The following CFAP44 variants were observed in gnomAD, a reference collection of about 807,000 sequenced individuals.
CFAP44 encodes cilia- and flagella-associated protein 44.
In CFAP44, 134 loss-of-function variants were observed where a neutral mutation model predicts 216.2. The observed-to-expected ratio is 0.62, with a 90% CI of 0.54 to 0.72. The LOEUF (loss-of-function observed/expected upper bound fraction) is 0.72, where lower values mean the gene tolerates loss of function less well. CFAP44 is among the 30% of genes least tolerant of loss of function. The pLI is 0.00. For missense variants in CFAP44, 2,035 were observed against 2,182.1 expected (o/e 0.93, Z 1.34); for synonymous variants, 700 against 727.6 (o/e 0.96, Z 0.61).
chr3:113,360,431 A>G, intron 21 of CFAP44: 1 of 233,644 alleles, frequency 4.3e-6, no homozygotes. Context: ...TCATGGGACA[A>G]CTTCACTGCA....
rs1482379563 is a variant in CFAP44 at position 113,408,073 on chromosome 3, G to A, written c.891-1032C>T. On this transcript the variant is annotated intron_variant, in intron 7 of 34. Coordinates refer to ENST00000393845, the MANE Select transcript of CFAP44 (RefSeq NM_001164496.2). ...CCCCAAAGATTACAATTAAAAATCT[G>A]CTCAATTAGTCTATATTTCTAATAA... Among the ~76,000 whole-genome samples, 4 of 152,162 alleles carry A rather than the reference G, an allele frequency of 2.6e-5. No homozygotes were observed. In the South Asian group the frequency reaches 8.3e-4, roughly 32 times the overall value.
At chr3:113,400,722 A>T in intron 11 of CFAP44, 78 bp from the exon 12 acceptor site, 1 of 1,279,898 alleles carries the variant, frequency 7.8e-7, no homozygotes, top group East Asian at 2.5e-5. Context: ...AAAAATGCAA[A>T]GATAAAAATA....
At position 113,330,326 on chromosome 3, in the gene CFAP44, G is replaced by C. The variant is rs1267895881; in HGVS notation, c.3958C>G (p.Arg1320Gly). The change falls in exon 26 of 35, where the codon CGT (arginine) becomes GGT (glycine). Residue 1320 changes from arginine to glycine, a missense_variant. Coordinates refer to ENST00000393845, the MANE Select transcript of CFAP44 (RefSeq NM_001164496.2). ...SSRKDGDLTT[R>G]DSISRSSKAS... Reference sequence around the variant, plus strand: ...TTTGATGATCTAGATATTGAATCACGGGTTGTCAAATCCCCATCCTTTCTA... The same window carrying C: ...TTTGATGATCTAGATATTGAATCACCGGTTGTCAAATCCCCATCCTTTCTA... The C allele has an allele frequency of 6.5e-7, 1 of 1,537,092 alleles. No individual in the cohort carries two copies. Among genetic ancestry groups the C allele is most frequent in the Admixed American group, 2.0e-5 (1 of 50,976 alleles).
chr3:113,324,059 A>G (rs1159081296), intron 28 of CFAP44, among the ~76,000 whole-genome samples: 1 of 150,678 alleles, frequency 6.6e-6, no homozygotes, highest in Non-Finnish European at 1.5e-5. Flanking sequence ...AAAAAAAAAA[A>G]GAGAGAAATA....
In CFAP44 at chr3:113,330,293, T is replaced by G; in HGVS notation, c.3991A>C (p.Thr1331Pro). ...CACTTTGGTATATCTAGGCTGAATG[T>G]TGATGCCTTTGATGATCTAGATATT... ...DSISRSSKAS[T>P]FSLDIPKCLE... The change falls in exon 26 of 35, where the codon ACA becomes CCA. Residue 1331 changes from threonine (T) to proline (P), a missense_variant. Physicochemically the swap from Thr to Pro is conservative, Grantham distance 38 (BLOSUM62 -1). This residue lies in a region of CFAP44 where 1,883 missense variants were observed against 2,023.7 expected (regional missense o/e 0.93). Transcript: ENST00000393845. The G allele has an allele frequency of 6.5e-7, 1 of 1,537,396 alleles. No individual in the cohort carries two copies.
chr3:113,385,141 C>T (rs1242043189), intron 15 of CFAP44, among the ~76,000 whole-genome samples: 1 of 152,178 alleles, frequency 6.6e-6, no homozygotes, highest in Non-Finnish European at 1.5e-5. Context: ...TGTAAGACAT[C>T]CCTTAGCTCT....
chr3:113,316,265 C>T (rs1195015501), intron 28 of CFAP44, among the ~76,000 whole-genome samples: 1 of 152,056 alleles, frequency 6.6e-6, no homozygotes, highest in African/African-American at 2.4e-5. Flanking sequence ...AATTAAAAAT[C>T]CAACTTAAAA....
chr3:113,313,108 A>G (rs1183855141), intron 28 of CFAP44, among the ~76,000 whole-genome samples: 1 of 152,098 alleles, frequency 6.6e-6, no homozygotes, highest in Admixed American at 6.5e-5. Flanking sequence ...CAGACGCTCA[A>G]TGCCAGCCCG....
chr3:113,440,300 A>T (rs1242474343), intron 1 of CFAP44, among the ~76,000 whole-genome samples: 1 of 152,158 alleles, frequency 6.6e-6, no homozygotes, highest in Admixed American at 6.5e-5. Flanking sequence ...ACCTCAGGTG[A>T]TCTACCCACC....
Position 113,399,887 on chromosome 3 carries a change from A to G in CFAP44, c.1569+19T>C. ...ATTTACCAATAGATTCTGGTAGTTC[A>G]TTATAACAACAAACTTACCATTCGG... On this transcript the variant is annotated intron_variant, in intron 13 of 34. Transcript: ENST00000393845. The G allele has an allele frequency of 6.6e-7, 1 of 1,524,110 alleles. No individual in the cohort carries two copies. The highest frequency in any genetic ancestry group is 8.9e-7 in the Non-Finnish European group (1 of 1,124,466). The allele number at this position is 1,524,110 out of a possible 1,614,324, so 94.4% of individuals were successfully genotyped here.
chr3:113,373,541 C>A lies in CFAP44; in HGVS notation c.2314G>T (p.Gly772Cys). Reference sequence around the variant, plus strand: ...GGGAACTCACAGTGATATAGAAAACCAGAATCATAGCCACCCTAGAAAAGA... The same window carrying A: ...GGGAACTCACAGTGATATAGAAAACAAGAATCATAGCCACCCTAGAAAAGA... ...FWVSLGGYDS[G>C]FLYHCEFPPC... is the part of the protein sequence containing the mutation. The change falls in exon 18 of 35, where the codon GGT (glycine) becomes TGT (cysteine). Residue 772 changes from glycine to cysteine, a missense_variant. By Grantham distance (159) the Gly-to-Cys change is radical (BLOSUM62 -3). Coordinates refer to ENST00000393845, the MANE Select transcript of CFAP44 (RefSeq NM_001164496.2). The A allele has an allele frequency of 6.3e-7, 1 of 1,588,570 alleles. No homozygotes were observed. The highest frequency in any genetic ancestry group is 8.6e-7 in the Non-Finnish European group (1 of 1,166,792).
chr3:113,361,411 C>T (rs1288059627), intron 21 of CFAP44: 1 of 158,820 alleles, frequency 6.3e-6, no homozygotes, highest in African/African-American at 2.4e-5. Context: ...AAAATGACTA[C>T]TATTATTTTG....
intron 22 of CFAP44, among the ~76,000 whole-genome samples, chr3:113,346,985 G>T (rs1356081399): frequency 6.6e-6 from 1 of 152,138 alleles, no homozygotes; most frequent in Non-Finnish European, 1.5e-5. Flanking sequence ...GCGAGACCAA[G>T]AACCCACTGG....
chr3:113,432,775 G>A (rs959198153), intron 2 of CFAP44, among the ~76,000 whole-genome samples: 8 of 152,004 alleles, frequency 5.3e-5, no homozygotes, highest in East Asian at 1.9e-4. Context: ...TGAACAACTC[G>A]CTTTTCTAAA....
intron 31 of CFAP44, 82 bp downstream of exon 31, chr3:113,304,954 T>A: frequency 8.0e-7 from 1 of 1,250,282 alleles, no homozygotes; most frequent in Non-Finnish European, 1.1e-6. Flanking sequence ...TCCCCATTAG[T>A]GAACTATGAA....
intron 7 of CFAP44, among the ~76,000 whole-genome samples, chr3:113,408,855 C>A (rs1185643349): frequency 1.5e-5 from 2 of 130,086 alleles, no homozygotes; most frequent in African/African-American, 5.8e-5. Context: ...AAAAGCGAAA[C>A]TCCATTTCAA....
intron 15 of CFAP44, among the ~76,000 whole-genome samples, chr3:113,392,271 ATTAAG>A (rs547833087): frequency 7.3e-4 from 111 of 152,352 alleles, no homozygotes; most frequent in Non-Finnish European, 1.3e-3. Context: ...ACTGGAGGTT[ATTAAG>A]TTAAGTGAAA....
rs1033720946 is a variant in CFAP44, at chr3:113,287,289, G to A, written c.*4268C>T. 3.9e-5 allele frequency: 12 copies of A among 304,996 alleles called. No individual in the cohort carries two copies. The highest frequency in any genetic ancestry group is 2.0e-4 in the African/African-American group (9 of 45,526). 18.9% of individuals were successfully genotyped at this position (304,996 alleles called of 1,614,324 possible). On this transcript the variant is annotated 3_prime_UTR_variant, in exon 35 of 35. Transcript: ENST00000393845. ...GACACCCACACAGATGGCTGGATCC[G>A]GTGCTACGGGAAACATTTTCCTAAG... is the stretch of plus-strand genomic sequence containing the variant.
Position 113,291,002 on chromosome 3 carries a change from C to T in CFAP44, c.*555G>A, listed in dbSNP as rs1382569844. On this transcript the variant is annotated 3_prime_UTR_variant, in exon 35 of 35. Transcript: ENST00000393845. Reference sequence around the variant, plus strand: ...TGCTCTGCCATGTCTGTTTGTATTTCCTGAATCCTGAGCCCTCAAAACACT... The same window carrying T: ...TGCTCTGCCATGTCTGTTTGTATTTTCTGAATCCTGAGCCCTCAAAACACT... 1 of 153,966 alleles carries T rather than the reference C, an allele frequency of 6.5e-6. No individual in the cohort carries two copies. Among genetic ancestry groups the T allele is most frequent in the African/African-American group, 2.4e-5 (1 of 41,432 alleles). 9.5% of individuals were successfully genotyped at this position (153,966 alleles called of 1,614,324 possible).
Sources: allele counts gnomAD v4.1 joint callset (sites outside exome capture counted in the v4.1 genomes callset), GRCh38; gene constraint gnomAD v4.1.1; regional missense constraint gnomAD v4.1.1; transcripts MANE v1.5; gene names NCBI Gene and HGNC (gene_info 2026-07-23, HGNC 2026-07-21).